ADD2: variants seen among roughly 807,000 people sequenced by gnomAD.
ADD2 encodes beta-adducin.
Under a neutral mutation model 83.0 loss-of-function variants are expected in ADD2, and 23 were observed. That is an observed-to-expected ratio of 0.28 (90% CI 0.20 to 0.39). The LOEUF is 0.39. ADD2 is among the 10% of genes least tolerant of loss of function. The pLI is 1.00. For missense variants in ADD2, 758 were observed against 944.9 expected, an observed-to-expected ratio of 0.80 and a Z score of 2.59; for synonymous variants, 375 against 375.4, an observed-to-expected ratio of 1.00 and a Z score of 0.01.
At chr2:70,748,270 G>T in intron 1 of ADD2, among the ~76,000 whole-genome samples, 1 of 137,388 alleles carries the variant, frequency 7.3e-6, no homozygotes. Flanking sequence ...AATTAGAAAT[G>T]TCACATATTC....
At chr2:70,688,536 T>C (rs906048891) in intron 8 of ADD2, among the ~76,000 whole-genome samples, 1 of 152,224 alleles carries the variant, frequency 6.6e-6, no homozygotes, top group African/African-American at 2.4e-5. Context: ...ATGAAGTTGT[T>C]TGCTATCCAA....
intron 8 of ADD2, 35 bp from the exon 9 acceptor site, chr2:70,688,157 G>A (rs782363005): frequency 4.5e-6 from 7 of 1,571,400 alleles, no homozygotes; most frequent in Non-Finnish European, 6.1e-6. Context: ...AAAACCTTAA[G>A]TCCTCTAAAC....
At chr2:70,707,101 A>T (rs1553374682) in intron 2 of ADD2, among the ~76,000 whole-genome samples, 1 of 152,254 alleles carries the variant, frequency 6.6e-6, no homozygotes, top group Non-Finnish European at 1.5e-5. Flanking sequence ...GAAACGTGGG[A>T]AGCGCTTTGC....
At chr2:70,720,132 A>G (rs144463651) in intron 1 of ADD2, among the ~76,000 whole-genome samples, 1 of 152,296 alleles carries the variant, frequency 6.6e-6, no homozygotes, top group African/African-American at 2.4e-5. Flanking sequence ...CTGTTTGGGC[A>G]TAAGAGAAAA....
At chr2:70,683,536 C>T in intron 10 of ADD2, 55 bp downstream of exon 10, 2 of 1,543,916 alleles carry the variant, frequency 1.3e-6, no homozygotes, top group South Asian at 2.4e-5. Flanking sequence ...CTTCCTGGTT[C>T]CAGGGGGCTA....
intron 13 of ADD2, chr2:70,675,533 C>G: frequency 1.0e-6 from 1 of 985,442 alleles, no homozygotes; most frequent in African/African-American, 1.7e-5. Context: ...TTCTTTGACC[C>G]CTCTAGCCCA....
chr2:70,727,085 TTG>T (rs1673043150), intron 1 of ADD2, among the ~76,000 whole-genome samples: 1 of 152,236 alleles, frequency 6.6e-6, no homozygotes, highest in Non-Finnish European at 1.5e-5. Context: ...CTAGAAGGGC[TTG>T]AGTCCTTCTT....
chr2:70,689,446 G>A (rs1670915308), intron 8 of ADD2, among the ~76,000 whole-genome samples: 1 of 152,214 alleles, frequency 6.6e-6, no homozygotes, highest in African/African-American at 2.4e-5. Flanking sequence ...GAAAACAGCT[G>A]GTATTTTTTC....
intron 9 of ADD2, 93 bp from the exon 10 acceptor site, chr2:70,683,860 CAGAGGAGAACTT>C: frequency 7.3e-7 from 1 of 1,365,510 alleles, no homozygotes; most frequent in Non-Finnish European, 9.6e-7. Flanking sequence ...ATGGGGAGTC[CAGAGGAGAACTT>C]AGAGGCCAAA....
chr2:70,726,961 G>A (rs1340905886), intron 1 of ADD2, among the ~76,000 whole-genome samples: 2 of 152,138 alleles, frequency 1.3e-5, no homozygotes, highest in African/African-American at 4.8e-5. Flanking sequence ...ATGCACACAG[G>A]GTTATATTTC....
intron 15 of ADD2, among the ~76,000 whole-genome samples, chr2:70,672,612 C>G (rs558958677): frequency 6.6e-6 from 1 of 152,188 alleles, no homozygotes; most frequent in Admixed American, 6.5e-5. Context: ...CTAACAGCCC[C>G]GGCCATGTCT....
rs188787566 is a variant in ADD2, at chr2:70,687,526, C to T, written c.948+498G>A. Among the ~76,000 whole-genome samples the T allele has an allele frequency of 2.2e-3, 341 of 152,222 alleles. 1 individual carries two copies. The highest frequency in any genetic ancestry group is 7.5e-3 in the African/African-American group (311 of 41,520). ...CTGCCACGTCAACACTCTGATTGGT[C>T]TGCTTTCCGCTTCTTTTTCTGGACG... is the stretch of plus-strand genomic sequence containing the variant. On this transcript the variant is annotated intron_variant, in intron 9 of 15. Coordinates refer to ENST00000264436, the MANE Select transcript of ADD2 (RefSeq NM_001617.4).
chr2:70,763,176 A>G (rs1675205900), intron 1 of ADD2, among the ~76,000 whole-genome samples: 1 of 152,028 alleles, frequency 6.6e-6, no homozygotes, highest in African/African-American at 2.4e-5. Context: ...TTTCAGTAAC[A>G]TTGGCAAAGC....
intron 15 of ADD2, among the ~76,000 whole-genome samples, chr2:70,666,500 T>C (rs1553366169): frequency 6.6e-6 from 1 of 152,216 alleles, no homozygotes; most frequent in African/African-American, 2.4e-5. Flanking sequence ...TTCACTTGGA[T>C]GATACATTAG....
intron 1 of ADD2, among the ~76,000 whole-genome samples, chr2:70,740,756 C>T (rs1016903709): frequency 3.7e-4 from 57 of 152,160 alleles, no homozygotes; most frequent in African/African-American, 1.3e-3. Flanking sequence ...CTGGAGTACA[C>T]TGGCACAATC....
At position 70,695,765 on chromosome 2, in the gene ADD2, T is replaced by C. The variant is rs782605379; in HGVS notation, c.511A>G (p.Ser171Gly). Reference sequence around the variant, plus strand: ...TCACTGCAAGAAACTCCCTTAGGGCTGATCAGGAAGTGGTCCTGCTCCTTG... The same window carrying C: ...TCACTGCAAGAAACTCCCTTAGGGCCGATCAGGAAGTGGTCCTGCTCCTTG... ...VSKEQDHFLI[S>G]PKGVSCSEVT... The change falls in exon 6 of 16, where the codon AGC (serine) becomes GGC (glycine). Residue 171 changes from serine to glycine, a missense_variant. Physicochemically the swap from Ser to Gly is moderately conservative, Grantham distance 56. Around this residue, in one of 5 missense-constraint regions of ADD2, gnomAD observed 394 missense variants for 509.3 expected, o/e 0.77. Coordinates refer to ENST00000264436, the MANE Select transcript of ADD2 (RefSeq NM_001617.4). 6.2e-7 allele frequency: 1 copy of C among 1,614,178 alleles called. No homozygotes were observed. The highest frequency in any genetic ancestry group is 8.5e-7 in the Non-Finnish European group (1 of 1,180,036).
At chr2:70,716,550 C>T (rs957439409) in intron 1 of ADD2, among the ~76,000 whole-genome samples, 3 of 152,214 alleles carry the variant, frequency 2.0e-5, no homozygotes, top group African/African-American at 7.2e-5. Context: ...TTACCGTGAG[C>T]TCCTGGCAGG....
At chr2:70,753,677 G>A (rs1476518962) in intron 1 of ADD2, among the ~76,000 whole-genome samples, 3 of 152,096 alleles carry the variant, frequency 2.0e-5, no homozygotes, top group Non-Finnish European at 2.9e-5. Flanking sequence ...AAGGTGGGTG[G>A]GGTGGAGAGG....
rs1553364391 is a variant in ADD2 at position 70,658,002 on chromosome 2, G to C, written c.*5423C>G. ...TCCCATAGCAATGACCCAACTTTTG[G>C]GAAAATCTAGAAGGTAAGTGGCACC... is the stretch of plus-strand genomic sequence containing the variant. On this transcript the variant is annotated 3_prime_UTR_variant, in exon 16 of 16. Coordinates refer to ENST00000264436, the MANE Select transcript of ADD2 (RefSeq NM_001617.4). The C allele has an allele frequency of 6.6e-6, 1 of 152,080 alleles. No individual in the cohort carries two copies. Among genetic ancestry groups the C allele is most frequent in the African/African-American group, 2.4e-5 (1 of 41,392 alleles). 9.4% of individuals were successfully genotyped at this position (152,080 alleles called of 1,614,324 possible). A position where few individuals can be genotyped will look rare whatever the true frequency, so the allele number is the denominator to read the frequency against.
Sources: gnomAD v4.1 joint callset for allele counts (sites outside exome capture counted in the v4.1 genomes callset) on GRCh38, gnomAD v4.1.1 for gene constraint, gnomAD v4.1.1 regional missense constraint, MANE v1.5 for transcripts, NCBI Gene and HGNC (gene_info 2026-07-23, HGNC 2026-07-21) for gene names.